JPH3: variants seen among roughly 807,000 people sequenced by gnomAD.
The protein encoded by JPH3 is junctophilin 3.
JPH3 carries 11 observed loss-of-function variants against 59.6 expected under a neutral mutation model. The ratio of observed to expected loss-of-function variants is 0.18; its 90% CI spans 0.12 to 0.31. JPH3 has a LOEUF of 0.31. Among genes scored for constraint, JPH3 ranks in the 10% least tolerant of loss-of-function variants. The probability of loss-of-function intolerance (pLI) is 1.00; values close to 1 mark genes in which losing one functional copy is unlikely to be tolerated. For synonymous variants in JPH3, 673 were observed against 483.6 expected, an observed-to-expected ratio of 1.39 and a Z score of -5.14; for missense variants, 1,202 against 1,105.7, an observed-to-expected ratio of 1.09 and a Z score of -1.24.
chr16:87,678,412 A>T (rs2033203486), intron 2 of JPH3, among the ~76,000 whole-genome samples: 1 of 151,804 alleles, frequency 6.6e-6, no homozygotes, highest in Non-Finnish European at 1.5e-5. Context: ...GGTGGCACAT[A>T]CCTGTAGTCC....
chr16:87,680,950 T>A (rs754502215), intron 2 of JPH3, among the ~76,000 whole-genome samples: 3 of 151,974 alleles, frequency 2.0e-5, no homozygotes, highest in Admixed American at 2.0e-4. Context: ...CCGGGGAGTT[T>A]CCCATTTGGT....
chr16:87,685,256 C>T (rs1006604010), intron 3 of JPH3, among the ~76,000 whole-genome samples: 2 of 152,242 alleles, frequency 1.3e-5, no homozygotes, highest in Non-Finnish European at 2.9e-5. Flanking sequence ...CCTGCAGAGC[C>T]TGCAGCTGCA....
intron 1 of JPH3, among the ~76,000 whole-genome samples, chr16:87,642,156 C>G (rs894366526): frequency 6.6e-6 from 1 of 150,850 alleles, no homozygotes; most frequent in African/African-American, 2.4e-5. Flanking sequence ...GGACAGGTCA[C>G]TTGAGGCTAC....
intron 1 of JPH3, among the ~76,000 whole-genome samples, chr16:87,643,589 C>T (rs967125328): frequency 1.3e-5 from 2 of 152,218 alleles, no homozygotes; most frequent in African/African-American, 4.8e-5. Flanking sequence ...CTGTAGCTGC[C>T]ACTCATTAGC....
chr16:87,659,266 A>G (rs2032616323), intron 2 of JPH3, among the ~76,000 whole-genome samples: 1 of 151,600 alleles, frequency 6.6e-6, no homozygotes, highest in South Asian at 2.1e-4. Flanking sequence ...AATCCCAGCT[A>G]CTCAGGAAGC....
In JPH3 at chr16:87,626,880, C is replaced by T. The variant is rs186785580; in HGVS notation, c.383-17378C>T. Among the ~76,000 whole-genome samples, 13 of 152,340 alleles carry T rather than the reference C, an allele frequency of 8.5e-5. No homozygotes were observed. The East Asian group carries it at 2.5e-3, about 29-fold the overall frequency. Reference sequence around the variant, plus strand: ...TAGAGGAGGGCATGGTGGCTCATGCCTGTAATCCCAGCACTTTGGGGAGGG... The same window carrying T: ...TAGAGGAGGGCATGGTGGCTCATGCTTGTAATCCCAGCACTTTGGGGAGGG... On this transcript the variant is annotated intron_variant, in intron 1 of 4. Transcript: ENST00000284262.
At chr16:87,656,146 G>A (rs1048396870) in intron 2 of JPH3, among the ~76,000 whole-genome samples, 1 of 152,244 alleles carries the variant, frequency 6.6e-6, no homozygotes, top group African/African-American at 2.4e-5. Flanking sequence ...CAGGAGCCCT[G>A]AGGGCGTCTC....
intron 3 of JPH3, among the ~76,000 whole-genome samples, chr16:87,687,322 A>G (rs1252541799): frequency 1.3e-5 from 2 of 152,158 alleles, no homozygotes; most frequent in Non-Finnish European, 2.9e-5. Context: ...TGGAATCAGG[A>G]TTTAAAACGA....
At chr16:87,609,377 A>G (rs1399469974) in intron 1 of JPH3, among the ~76,000 whole-genome samples, 1 of 152,080 alleles carries the variant, frequency 6.6e-6, no homozygotes, top group Non-Finnish European at 1.5e-5. Context: ...AGTCATTCTC[A>G]TGCCTCAGCC....
intron 1 of JPH3, among the ~76,000 whole-genome samples, chr16:87,633,670 G>A (rs1284655163): frequency 1.3e-5 from 2 of 151,902 alleles, no homozygotes; most frequent in East Asian, 3.9e-4. Flanking sequence ...GTGGTGGCGG[G>A]CGCCTGTAGT....
rs376684932 is a variant in JPH3 at position 87,603,251 on chromosome 16, C to T, written c.105C>T (p.Gly35=). The change falls in exon 1 of 5, where the codon GGC becomes GGT. Residue 35 remains glycine (G), a synonymous_variant. Coordinates refer to ENST00000284262, the MANE Select transcript of JPH3 (RefSeq NM_020655.4). ...ATGGCGTCTGCACCGGCCCCAAGGG[C>T]CAAGGCGAATACACCGGCTCGTGGA... The part of the protein sequence containing the change: ...HGHGVCTGPK[G]QGEYTGSWSH... 1 of 1,613,736 alleles carries T rather than the reference C, an allele frequency of 6.2e-7. No individual in the cohort carries two copies. Among genetic ancestry groups the T allele is most frequent in the African/African-American group, 1.3e-5 (1 of 74,934 alleles).
chr16:87,697,636 C>T lies in JPH3; in HGVS notation c.*976C>T, dbSNP rs547136891. On this transcript the variant is annotated 3_prime_UTR_variant, in exon 5 of 5. Coordinates refer to ENST00000284262, the MANE Select transcript of JPH3 (RefSeq NM_020655.4). ...CATCTCTGTACTGTGCCTGCCTCAA[C>T]TTCCCCTAACAGATATGCATATTCC... The T allele has an allele frequency of 1.2e-4, 19 of 152,440 alleles. No individual in the cohort carries two copies. Among genetic ancestry groups the T allele is most frequent in the African/African-American group, 3.8e-4 (16 of 41,584 alleles). The allele number at this position is 152,440 out of a possible 1,614,324, so 9.4% of individuals were successfully genotyped here.
chr16:87,665,069 G>C (rs144313408), intron 2 of JPH3, among the ~76,000 whole-genome samples: 1 of 152,228 alleles, frequency 6.6e-6, no homozygotes, highest in Admixed American at 6.5e-5. Flanking sequence ...GGAACCATCC[G>C]GCCCTCTTCC....
chr16:87,643,075 C>T (rs1317181743), intron 1 of JPH3, among the ~76,000 whole-genome samples: 1 of 152,218 alleles, frequency 6.6e-6, no homozygotes, highest in Non-Finnish European at 1.5e-5. Flanking sequence ...CCCCTGCACC[C>T]ACCGCGCTTT....
chr16:87,660,692 C>G (rs1032720655), intron 2 of JPH3, among the ~76,000 whole-genome samples: 2 of 152,228 alleles, frequency 1.3e-5, no homozygotes, highest in African/African-American at 4.8e-5. Context: ...CACCAGCTGC[C>G]TCTTCCACAG....
chr16:87,660,718 C>T (rs1396667142), intron 2 of JPH3, among the ~76,000 whole-genome samples: 1 of 152,232 alleles, frequency 6.6e-6, no homozygotes, highest in Non-Finnish European at 1.5e-5. Context: ...CCCCCAATCA[C>T]ACTGTCATAT....
intron 1 of JPH3, among the ~76,000 whole-genome samples, chr16:87,614,795 C>T (rs1459536643): frequency 6.8e-6 from 1 of 146,964 alleles, no homozygotes; most frequent in Non-Finnish European, 1.5e-5. Flanking sequence ...CGTGTCCTCT[C>T]CCAGGATAAA....
intron 1 of JPH3, among the ~76,000 whole-genome samples, chr16:87,613,611 T>A (rs2030821155): frequency 6.6e-6 from 1 of 152,284 alleles, no homozygotes; most frequent in Non-Finnish European, 1.5e-5. Context: ...GTGAGCCACC[T>A]AGCCCAGCCT....
intron 1 of JPH3, among the ~76,000 whole-genome samples, chr16:87,626,313 G>A (rs2031373801): frequency 6.6e-6 from 1 of 152,188 alleles, no homozygotes; most frequent in Non-Finnish European, 1.5e-5. Context: ...CCATGGAGCT[G>A]GGATTTGTAC....
Sources: gnomAD v4.1 joint callset for allele counts (sites outside exome capture counted in the v4.1 genomes callset) on GRCh38, gnomAD v4.1.1 for gene constraint, MANE v1.5 for transcripts, NCBI Gene and HGNC (gene_info 2026-07-23, HGNC 2026-07-21) for gene names.